Variants in SPOCK3 observed in about 807,000 individuals in gnomAD.
The protein encoded by SPOCK3 is SPARC (osteonectin), cwcv and kazal like domains proteoglycan 3.
Under a neutral mutation model 56.6 loss-of-function variants are expected in SPOCK3, and 30 were observed. The observed-to-expected ratio is 0.53, with a 90% CI of 0.40 to 0.72. The LOEUF is 0.72. Among genes scored for constraint, SPOCK3 ranks in the 30% least tolerant of loss-of-function variants. The pLI is 0.00. For missense variants in SPOCK3, 527 were observed against 530.0 expected (o/e 0.99, Z 0.06); for synonymous variants, 196 against 183.3 (o/e 1.07, Z -0.56).
chr4:166,743,509 G>T (rs1421121127), intron 8 of SPOCK3, among the ~76,000 whole-genome samples: 1 of 152,098 alleles, frequency 6.6e-6, no homozygotes, highest in Non-Finnish European at 1.5e-5. Flanking sequence ...GGCCAAACAG[G>T]AACAGCTCCA....
chr4:167,124,445 A>G (rs539561817), intron 2 of SPOCK3, among the ~76,000 whole-genome samples: 12 of 152,298 alleles, frequency 7.9e-5, no homozygotes, highest in Admixed American at 2.0e-4. Flanking sequence ...ATGCAGTCAG[A>G]TATTTTCATC....
intron 4 of SPOCK3, among the ~76,000 whole-genome samples, chr4:166,913,397 T>C (rs981866516): frequency 1.3e-5 from 2 of 152,172 alleles, no homozygotes; most frequent in Admixed American, 1.3e-4. Flanking sequence ...AATTGCTTTA[T>C]TCCTTTGCCT....
intron 7 of SPOCK3, among the ~76,000 whole-genome samples, chr4:166,788,725 G>A (rs942857328): frequency 4.0e-5 from 6 of 151,334 alleles, no homozygotes; most frequent in African/African-American, 1.5e-4. Flanking sequence ...CATGACATAA[G>A]GCAACTTTGT....
chr4:167,161,730 G>A (rs1284474898), intron 2 of SPOCK3, among the ~76,000 whole-genome samples: 1 of 152,042 alleles, frequency 6.6e-6, no homozygotes, highest in Non-Finnish European at 1.5e-5. Flanking sequence ...ATGAGTTCAT[G>A]TCCTTTGTAG....
intron 6 of SPOCK3, among the ~76,000 whole-genome samples, chr4:166,866,525 C>A (rs895077773): frequency 6.6e-6 from 1 of 152,052 alleles, no homozygotes; most frequent in Non-Finnish European, 1.5e-5. Flanking sequence ...TGTTTTCAAT[C>A]TATCTATCTG....
intron 2 of SPOCK3, among the ~76,000 whole-genome samples, chr4:167,229,555 A>G (rs1376913944): frequency 6.6e-6 from 1 of 152,086 alleles, no homozygotes; most frequent in African/African-American, 2.4e-5. Flanking sequence ...ATCCCACACC[A>G]TCATCCATTA....
chr4:167,126,041 A>C (rs929057125), intron 2 of SPOCK3, among the ~76,000 whole-genome samples: 1 of 152,210 alleles, frequency 6.6e-6, no homozygotes, highest in Admixed American at 6.5e-5. Context: ...AATACACCTA[A>C]CCACAACAGA....
chr4:167,060,613 C>CAGAT (rs1353240737), intron 3 of SPOCK3, among the ~76,000 whole-genome samples: 1 of 152,092 alleles, frequency 6.6e-6, no homozygotes, highest in Non-Finnish European at 1.5e-5. Flanking sequence ...AACTTGAGAT[C>CAGAT]AGATAGTCTA....
At chr4:167,029,709 C>A (rs890976669) in intron 3 of SPOCK3, among the ~76,000 whole-genome samples, 1 of 151,846 alleles carries the variant, frequency 6.6e-6, no homozygotes, top group Non-Finnish European at 1.5e-5. Flanking sequence ...TATGATTTTT[C>A]TTTATATTTG....
chr4:167,133,995 T>G (rs965381682), intron 2 of SPOCK3, among the ~76,000 whole-genome samples: 1 of 151,314 alleles, frequency 6.6e-6, no homozygotes, highest in Non-Finnish European at 1.5e-5. Context: ...CTTTGCCTTA[T>G]AACTTTCATA....
chr4:167,107,580 T>C (rs576041332), intron 2 of SPOCK3, among the ~76,000 whole-genome samples: 12 of 151,908 alleles, frequency 7.9e-5, no homozygotes, highest in African/African-American at 2.6e-4. Context: ...TCCTCTAAGA[T>C]TGGGAACACG....
intron 2 of SPOCK3, among the ~76,000 whole-genome samples, chr4:167,233,216 A>G (rs921918922): frequency 6.6e-6 from 1 of 152,124 alleles, no homozygotes; most frequent in Non-Finnish European, 1.5e-5. Context: ...ATGACTGGCA[A>G]GCCATGGCCA....
intron 4 of SPOCK3, among the ~76,000 whole-genome samples, chr4:166,934,349 T>A (rs60449716): frequency 0.034 from 3,470 of 102,088 alleles, 121 homozygotes; most frequent in African/African-American, 0.099. Flanking sequence ...AAAAAAAAAA[T>A]TCGTCAGGTG....
intron 4 of SPOCK3, among the ~76,000 whole-genome samples, chr4:166,957,082 T>C (rs1474430032): frequency 6.6e-6 from 1 of 152,060 alleles, no homozygotes; most frequent in Non-Finnish European, 1.5e-5. Flanking sequence ...GGTGAAACTC[T>C]GTCTCTACGA....
chr4:167,001,715 GA>G lies in SPOCK3; in HGVS notation c.236-1253del, dbSNP rs1418014849. Reference sequence around the variant, plus strand: ...CAGATTTGGTACATGCCAAAAGTGAGAGAAAGAAACAATGAAATATGGTAAA... The same window carrying G: ...CAGATTTGGTACATGCCAAAAGTGAGGAAAGAAACAATGAAATATGGTAAA... On this transcript the variant is annotated intron_variant, in intron 3 of 10. Transcript: ENST00000357545. 2.6e-5 allele frequency among the ~76,000 whole-genome samples: 4 copies of G among 152,054 alleles called. No individual in the cohort carries two copies. The South Asian group carries it at 6.2e-4, about 24-fold the overall frequency.
intron 2 of SPOCK3, among the ~76,000 whole-genome samples, chr4:167,205,367 AT>A (rs1344134174): frequency 2.6e-5 from 1 of 38,958 alleles, no homozygotes; most frequent in Non-Finnish European, 3.9e-5. Flanking sequence ...TATATTATAT[AT>A]TTTATATATA....
intron 2 of SPOCK3, among the ~76,000 whole-genome samples, chr4:167,187,257 CT>C (rs1424274851): frequency 6.8e-6 from 1 of 147,996 alleles, no homozygotes; most frequent in African/African-American, 2.5e-5. Flanking sequence ...CTAGAAGCAA[CT>C]TTAGGGTTCC....
chr4:167,080,950 G>A (rs1029908042), intron 2 of SPOCK3, among the ~76,000 whole-genome samples: 11 of 143,696 alleles, frequency 7.7e-5, no homozygotes, highest in Admixed American at 2.9e-4. Flanking sequence ...GCACGATCTC[G>A]TCTCACTGCA....
At chr4:166,741,894 G>T in intron 9 of SPOCK3, 103 bp downstream of exon 9, 3 of 813,622 alleles carry the variant, frequency 3.7e-6, no homozygotes, top group Non-Finnish European at 6.1e-6. Context: ...CTGAAATTTA[G>T]TGCAGTCTAT....
Sources: gnomAD v4.1 joint callset for allele counts (sites outside exome capture counted in the v4.1 genomes callset) on GRCh38, gnomAD v4.1.1 for gene constraint, MANE v1.5 for transcripts, NCBI Gene and HGNC (gene_info 2026-07-23, HGNC 2026-07-21) for gene names.